The following SIL1 variants were observed in gnomAD, a reference collection of about 807,000 sequenced individuals.
The protein encoded by SIL1 is SIL1 nucleotide exchange factor.
SIL1 carries 40 observed loss-of-function variants against 49.1 expected under a neutral mutation model. That is an observed-to-expected ratio of 0.81 (90% confidence interval 0.63 to 1.06). The LOEUF is 1.06. Among genes scored for constraint, SIL1 ranks in the 50% least tolerant of loss-of-function variants. The pLI is 0.00. For synonymous variants in SIL1, 253 were observed against 250.8 expected, an observed-to-expected ratio of 1.01 and a Z score of -0.08; for missense variants, 500 against 572.6, an observed-to-expected ratio of 0.87 and a Z score of 1.29.
intron 1 of SIL1, among the ~76,000 whole-genome samples, chr5:139,176,924 A>ATT (rs1751894753): frequency 1.6e-5 from 2 of 127,154 alleles, no homozygotes; most frequent in African/African-American, 2.7e-5. Flanking sequence ...AGAAGCTGAG[A>ATT]TTCTTTTTTT....
Position 138,968,029 on chromosome 5 carries a change from G to A in SIL1, c.768-16145C>T, listed in dbSNP as rs989541617. On this transcript the variant is annotated intron_variant, in intron 7 of 9. Transcript: ENST00000394817. ...TTGATGCCTTCCAAGTCTTAACCTG[G>A]AAGGGAAAATGAAGGGCCTGGCCAC... 2.0e-5 allele frequency among the ~76,000 whole-genome samples: 3 copies of A among 152,134 alleles called. No homozygotes were observed. The East Asian group carries it at 5.8e-4, about 29-fold the overall frequency.
chr5:139,132,865 G>A (rs1750893225), intron 1 of SIL1, among the ~76,000 whole-genome samples: 1 of 152,150 alleles, frequency 6.6e-6, no homozygotes, highest in Admixed American at 6.5e-5. Context: ...TTGCCAGGAT[G>A]GCCCACCATC....
intron 3 of SIL1, among the ~76,000 whole-genome samples, chr5:139,089,793 G>A (rs958498419): frequency 6.6e-6 from 1 of 152,336 alleles, no homozygotes; most frequent in East Asian, 1.9e-4. Flanking sequence ...GTTGTCAGAT[G>A]TTAGAGGATA....
At chr5:139,058,583 T>C (rs1769509947) in intron 3 of SIL1, among the ~76,000 whole-genome samples, 1 of 152,214 alleles carries the variant, frequency 6.6e-6, no homozygotes, top group South Asian at 2.1e-4. Flanking sequence ...GAGTATGAAC[T>C]CATGGATATT....
At chr5:139,147,632 T>G (rs1485007388) in intron 1 of SIL1, among the ~76,000 whole-genome samples, 1 of 152,188 alleles carries the variant, frequency 6.6e-6, no homozygotes, top group Non-Finnish European at 1.5e-5. Flanking sequence ...ATGTGTTCTC[T>G]CTTCCCCTCC....
At position 138,976,776 on chromosome 5, in the gene SIL1, T is replaced by C. The variant is rs375815916; in HGVS notation, c.768-24892A>G. On this transcript the variant is annotated intron_variant, in intron 7 of 9. Coordinates refer to ENST00000394817, the MANE Select transcript of SIL1 (RefSeq NM_022464.5). ...CAACTTTCTATATTACGTATTACTT[T>C]AACGTTTGAAAAGCTTACACTGAGA... Among the ~76,000 whole-genome samples, 34 of 152,278 alleles carry C rather than the reference T, an allele frequency of 2.2e-4. No individual in the cohort carries two copies. The South Asian group carries it at 6.4e-3, about 29-fold the overall frequency.
chr5:139,058,352 A>G (rs978298003), intron 3 of SIL1, among the ~76,000 whole-genome samples: 1 of 152,020 alleles, frequency 6.6e-6, no homozygotes, highest in African/African-American at 2.4e-5. Context: ...AAAACACCAA[A>G]TTACCAAGAA....
intron 3 of SIL1, among the ~76,000 whole-genome samples, chr5:139,080,403 T>C (rs1432663885): frequency 6.6e-6 from 1 of 152,184 alleles, no homozygotes; most frequent in African/African-American, 2.4e-5. Flanking sequence ...GTTCAGTCTC[T>C]GCCAAAAACC....
chr5:138,970,812 G>T (rs1767253241), intron 7 of SIL1, among the ~76,000 whole-genome samples: 1 of 152,100 alleles, frequency 6.6e-6, no homozygotes, highest in South Asian at 2.1e-4. Flanking sequence ...TGAGGCAGGA[G>T]AATAGCTTGA....
rs1006360458 is a variant in SIL1, at chr5:139,056,432, C to T, written c.245-5386G>A. ...CTGAGAAGTGAGGAGCCCCTCCGCC[C>T]GGCAGCCACCCCGTCTGGGAAGTGA... On this transcript the variant is annotated intron_variant, in intron 3 of 9. Coordinates refer to ENST00000394817, the MANE Select transcript of SIL1 (RefSeq NM_022464.5). 1.6e-3 allele frequency among the ~76,000 whole-genome samples: 236 copies of T among 151,478 alleles called. 1 individual carries two copies. Among genetic ancestry groups the T allele is most frequent in the East Asian group, 1.2e-3 (6 of 5,054 alleles).
At chr5:139,171,413 G>A (rs979684662) in intron 1 of SIL1, among the ~76,000 whole-genome samples, 3 of 152,200 alleles carry the variant, frequency 2.0e-5, no homozygotes, top group Non-Finnish European at 4.4e-5. Context: ...CCAACCCTGT[G>A]CTCTCTGAAA....
At chr5:138,972,336 G>A (rs1044243728) in intron 7 of SIL1, among the ~76,000 whole-genome samples, 1 of 152,230 alleles carries the variant, frequency 6.6e-6, no homozygotes. Context: ...CCCATGTGGA[G>A]TACTTAAATG....
chr5:138,947,407 G>A lies in SIL1; in HGVS notation c.1096C>T (p.Gln366Ter). 3.1e-6 allele frequency: 5 copies of A among 1,613,640 alleles called. No homozygotes were observed. Among genetic ancestry groups the A allele is most frequent in the Non-Finnish European group, 4.2e-6 (5 of 1,180,028 alleles). ...MSPEKLQQYR[Q>*]VHLLPGLWEQ... ...CACAGGCCTGGCAGGAGGTGTACCT[G>A]GCGATACTGCTGCAGCTTCTCTGGG... Residue 366 changes from glutamine (Q) to a stop codon, truncating the protein, a stop_gained, in exon 10 of 10, where the codon CAG becomes TAG. Transcript: ENST00000394817. LOFTEE classifies it high-confidence loss of function. This position sits in a 1 kb window ranked among gnomAD's most constrained non-coding sequence, Gnocchi z 4.1.
At chr5:139,084,618 A>C (rs1314997879) in intron 3 of SIL1, among the ~76,000 whole-genome samples, 1 of 123,106 alleles carries the variant, frequency 8.1e-6, no homozygotes, top group African/African-American at 3.1e-5. Context: ...GGAATATCAC[A>C]CTCTGGGAAC....
chr5:138,969,227 T>G (rs1767217902), intron 7 of SIL1, among the ~76,000 whole-genome samples: 4 of 152,196 alleles, frequency 2.6e-5, no homozygotes, highest in Non-Finnish European at 2.9e-5. Context: ...ACCTCTGCTG[T>G]GTCTAAGATC....
intron 3 of SIL1, among the ~76,000 whole-genome samples, chr5:139,057,345 C>T (rs1769475553): frequency 1.5e-5 from 2 of 136,038 alleles, no homozygotes; most frequent in Non-Finnish European, 3.2e-5. Context: ...AAAAGAACAT[C>T]ACTGCTAGCC....
rs377456904 is a variant in SIL1 at position 139,135,740 on chromosome 5, C to T, written c.-10-7887G>A. Among the ~76,000 whole-genome samples, 43 of 150,206 alleles carry T rather than the reference C, an allele frequency of 2.9e-4. No individual in the cohort carries two copies. In the East Asian group the frequency reaches 7.4e-3, roughly 26 times the overall value. ...AAAAAAAAAAAAACTGCAATCACAG[C>T]GACAAAAGTTAGTGCATCCAATGAA... is the stretch of plus-strand genomic sequence containing the variant. On this transcript the variant is annotated intron_variant, in intron 1 of 9. Transcript: ENST00000394817.
At chr5:139,025,829 T>C (rs1768636618) in intron 6 of SIL1, among the ~76,000 whole-genome samples, 1 of 152,234 alleles carries the variant, frequency 6.6e-6, no homozygotes, top group Admixed American at 6.5e-5. Flanking sequence ...TTTTTGACTT[T>C]GTGAGCCATA....
At chr5:138,952,258 G>A (rs1480019438) in intron 7 of SIL1, among the ~76,000 whole-genome samples, 1 of 152,260 alleles carries the variant, frequency 6.6e-6, no homozygotes, top group Non-Finnish European at 1.5e-5. Context: ...AGTGCCGGAT[G>A]TTCCTTCCTC....
Sources: gnomAD v4.1 joint callset for allele counts (sites outside exome capture counted in the v4.1 genomes callset) on GRCh38, gnomAD v4.1.1 for gene constraint, Gnocchi (gnomAD v3.1) non-coding constraint, MANE v1.5 for transcripts, NCBI Gene and HGNC (gene_info 2026-07-23, HGNC 2026-07-21) for gene names.